The following SPIN1 variants were observed in gnomAD, a reference collection of about 807,000 sequenced individuals.
SPIN1 encodes the protein spindlin-1.
In SPIN1, 3 loss-of-function variants were observed where a neutral mutation model predicts 26.0. The ratio of observed to expected loss-of-function variants is 0.12; its 90% CI spans 0.05 to 0.30. The LOEUF is 0.30. Ranked by LOEUF, SPIN1 falls within the 10% of genes least tolerant of loss-of-function variation. The pLI is 1.00. For missense variants in SPIN1, 126 were observed against 333.4 expected (o/e 0.38, Z 4.84); for synonymous variants, 101 against 116.5 (o/e 0.87, Z 0.86).
intron 3 of SPIN1, among the ~76,000 whole-genome samples, chr9:88,461,607 G>A (rs1587813342): frequency 6.6e-6 from 1 of 152,174 alleles, no homozygotes; most frequent in Non-Finnish European, 1.5e-5. Flanking sequence ...CATGGTGTAC[G>A]AAATGAGAGC....
At chr9:88,467,752 T>A (rs1828699324) in intron 4 of SPIN1, among the ~76,000 whole-genome samples, 1 of 151,128 alleles carries the variant, frequency 6.6e-6, no homozygotes, top group Admixed American at 6.6e-5. Context: ...TTGGTTGCAG[T>A]GAAGAATAAG....
chr9:88,395,022 A>T (rs1827023812), intron 1 of SPIN1, among the ~76,000 whole-genome samples: 1 of 151,508 alleles, frequency 6.6e-6, no homozygotes, highest in Non-Finnish European at 1.5e-5. Flanking sequence ...GTTAGCCAAG[A>T]TGGTCTCGAT....
intron 1 of SPIN1, among the ~76,000 whole-genome samples, chr9:88,406,848 A>G (rs1472221538): frequency 1.3e-5 from 2 of 152,062 alleles, no homozygotes; most frequent in African/African-American, 4.8e-5. Flanking sequence ...ATTATTTGAT[A>G]CTTTCCTCCT....
At chr9:88,398,404 C>T (rs1276233171) in intron 1 of SPIN1, among the ~76,000 whole-genome samples, 1 of 151,962 alleles carries the variant, frequency 6.6e-6, no homozygotes, top group Non-Finnish European at 1.5e-5. Context: ...CCTGTTTTTG[C>T]CTGTAATTAC....
intron 3 of SPIN1, among the ~76,000 whole-genome samples, chr9:88,452,073 A>G (rs765089328): frequency 6.6e-6 from 1 of 152,232 alleles, no homozygotes. Context: ...AGAATCTACT[A>G]AACACTAAAT....
At chr9:88,407,819 T>A (rs1827342700) in intron 1 of SPIN1, among the ~76,000 whole-genome samples, 1 of 150,850 alleles carries the variant, frequency 6.6e-6, no homozygotes, top group South Asian at 2.1e-4. Flanking sequence ...GGAGTGCAGT[T>A]GTATGATCTC....
chr9:88,408,401 G>T (rs1827358906), intron 1 of SPIN1, among the ~76,000 whole-genome samples: 1 of 134,520 alleles, frequency 7.4e-6, no homozygotes, highest in Non-Finnish European at 1.6e-5. Flanking sequence ...TTTTTGAGAC[G>T]GAGTGTTGCT....
chr9:88,422,228 A>G (rs1468133561), intron 1 of SPIN1, among the ~76,000 whole-genome samples: 1 of 152,132 alleles, frequency 6.6e-6, no homozygotes, highest in Non-Finnish European at 1.5e-5. Context: ...ATGACCTTAT[A>G]ATAAAGCTCC....
intron 3 of SPIN1, among the ~76,000 whole-genome samples, chr9:88,453,013 G>C (rs898892625): frequency 1.3e-5 from 2 of 152,154 alleles, no homozygotes; most frequent in Non-Finnish European, 2.9e-5. Flanking sequence ...GTCTGTAAAT[G>C]TTGGCTACCA....
intron 2 of SPIN1, 37 bp from the exon 3 acceptor site, chr9:88,448,904 C>G (rs768548277): frequency 6.2e-6 from 10 of 1,602,494 alleles, no homozygotes; most frequent in South Asian, 1.1e-5. Context: ...ATTCTTTTAT[C>G]TGGTTTTCAT....
chr9:88,454,200 G>T (rs113168045), intron 3 of SPIN1, among the ~76,000 whole-genome samples: 1 of 152,022 alleles, frequency 6.6e-6, no homozygotes, highest in African/African-American at 2.4e-5. Flanking sequence ...ATGAGAGTAA[G>T]AATATTTTAG....
Position 88,394,703 on chromosome 9 carries a change from C to T in SPIN1, c.-159+6165C>T, listed in dbSNP as rs1359740802. On this transcript the variant is annotated intron_variant, in intron 1 of 5. Coordinates refer to ENST00000375859, the MANE Select transcript of SPIN1 (RefSeq NM_006717.3). ...CAGTTGACATTCTAATTTGGAAGGC[C>T]ATTTGAAAAGATTTTCTCTGATTAT... Among the ~76,000 whole-genome samples, 5 of 150,866 alleles carry T rather than the reference C, an allele frequency of 3.3e-5. No homozygotes were observed. In the Admixed American group the frequency reaches 3.3e-4, roughly 10 times the overall value.
At chr9:88,412,031 T>A (rs1209426995) in intron 1 of SPIN1, among the ~76,000 whole-genome samples, 1 of 144,186 alleles carries the variant, frequency 6.9e-6, no homozygotes, top group Non-Finnish European at 1.5e-5. Context: ...AAAAAAAAAA[T>A]AGCTGGGCCT....
chr9:88,463,618 G>A (rs1222817096), intron 4 of SPIN1, among the ~76,000 whole-genome samples: 2 of 152,092 alleles, frequency 1.3e-5, no homozygotes, highest in East Asian at 3.9e-4. Context: ...GGGATATAAC[G>A]AGTTTCCTTA....
chr9:88,432,350 G>C (rs1204398213), intron 2 of SPIN1, among the ~76,000 whole-genome samples: 1 of 151,890 alleles, frequency 6.6e-6, no homozygotes, highest in Non-Finnish European at 1.5e-5. Flanking sequence ...TACTGCCCTG[G>C]CTAATTTTTG....
chr9:88,435,528 A>G (rs1394208029), intron 2 of SPIN1, among the ~76,000 whole-genome samples: 1 of 152,152 alleles, frequency 6.6e-6, no homozygotes, highest in Non-Finnish European at 1.5e-5. Context: ...CTTGCCAGTG[A>G]CATATGTTGT....
intron 1 of SPIN1, among the ~76,000 whole-genome samples, chr9:88,394,726 T>G (rs1160217067): frequency 1.3e-5 from 2 of 152,048 alleles, no homozygotes. Flanking sequence ...TTTCTCTGAT[T>G]ATGTTATATG....
intron 5 of SPIN1, among the ~76,000 whole-genome samples, chr9:88,470,192 A>G (rs898958981): frequency 6.6e-6 from 1 of 152,228 alleles, no homozygotes; most frequent in Non-Finnish European, 1.5e-5. Flanking sequence ...TGGATATACT[A>G]CATTTTGATT....
At chr9:88,448,290 C>T (rs1050457390) in intron 2 of SPIN1, among the ~76,000 whole-genome samples, 8 of 152,070 alleles carry the variant, frequency 5.3e-5, no homozygotes, top group Non-Finnish European at 1.2e-4. Flanking sequence ...GGAATCCACC[C>T]GACTTGGCCT....
Sources: allele counts gnomAD v4.1 joint callset (sites outside exome capture counted in the v4.1 genomes callset), GRCh38; gene constraint gnomAD v4.1.1; transcripts MANE v1.5; gene names NCBI Gene and HGNC (gene_info 2026-07-23, HGNC 2026-07-21).